The following ADAMTS17 variants were observed in gnomAD, a reference collection of about 807,000 sequenced individuals.
ADAMTS17 encodes A disintegrin and metalloproteinase with thrombospondin motifs 17.
A neutral mutation model predicts 141.5 loss-of-function variants in ADAMTS17; 113 were observed. The observed-to-expected ratio is 0.80, with a 90% CI of 0.69 to 0.93. The LOEUF is 0.93. ADAMTS17 is among the 40% of genes least tolerant of loss of function. The pLI, the probability that ADAMTS17 is intolerant of heterozygous loss-of-function variation, is 0.00. For synonymous variants in ADAMTS17, 768 were observed against 630.6 expected (o/e 1.22, Z -3.27); for missense variants, 1,659 against 1,517.9 (o/e 1.09, Z -1.54).
At chr15:100,059,118 G>C (rs534985363) in intron 15 of ADAMTS17, among the ~76,000 whole-genome samples, 4 of 152,212 alleles carry the variant, frequency 2.6e-5, no homozygotes, top group African/African-American at 9.6e-5. Context: ...GCACTCCAAC[G>C]AATTCTGAAG....
At chr15:100,265,359 C>T (rs528364046) in intron 4 of ADAMTS17, among the ~76,000 whole-genome samples, 19 of 152,276 alleles carry the variant, frequency 1.2e-4, no homozygotes, top group Admixed American at 2.0e-4. Context: ...TTGGAGGCAA[C>T]GGCTATATGT....
At chr15:100,001,825 C>CAAGGTGAATGCACTT in intron 18 of ADAMTS17, among the ~76,000 whole-genome samples, 1 of 149,754 alleles carries the variant, frequency 6.7e-6, no homozygotes, top group African/African-American at 2.5e-5. Flanking sequence ...CAAAAATAGC[C>CAAGGTGAATGCACTT]CCCCGTGGTG....
intron 1 of ADAMTS17, 87 bp from the exon 2 acceptor site, chr15:100,341,496 G>C: frequency 2.0e-6 from 2 of 997,692 alleles, no homozygotes; most frequent in Non-Finnish European, 2.4e-6. Context: ...CCAGCGCGGG[G>C]ACAGCGCGAC....
At chr15:100,183,477 G>C (rs1395646334) in intron 8 of ADAMTS17, among the ~76,000 whole-genome samples, 1 of 151,952 alleles carries the variant, frequency 6.6e-6, no homozygotes, top group East Asian at 1.9e-4. Context: ...TATTTTTTCA[G>C]TTCTATAATT....
rs754262260 is a variant in ADAMTS17, at chr15:99,976,560, C to T, written c.2950-338G>A. ...GATGTTATGGAATACATGTTTGTGT[C>T]TCTGCAAAATGCAGATGTTGGAGCC... On this transcript the variant is annotated intron_variant, in intron 20 of 21. Coordinates refer to ENST00000268070, the MANE Select transcript of ADAMTS17 (RefSeq NM_139057.4). 4.4e-4 allele frequency: 208 copies of T among 470,246 alleles called. 1 individual carries two copies. The Middle Eastern group carries it at 7.5e-3, about 17-fold the overall frequency. The allele number at this position is 470,246 out of a possible 1,614,324, so 29.1% of individuals were successfully genotyped here.
At chr15:100,056,902 G>C (rs781579046) in intron 15 of ADAMTS17, among the ~76,000 whole-genome samples, 1 of 152,062 alleles carries the variant, frequency 6.6e-6, no homozygotes, top group African/African-American at 2.4e-5. Flanking sequence ...AATTTCACAA[G>C]CTTTATGGTA....
chr15:100,288,101 G>A (rs2044506805), intron 3 of ADAMTS17, among the ~76,000 whole-genome samples: 1 of 152,216 alleles, frequency 6.6e-6, no homozygotes, highest in East Asian at 1.9e-4. Flanking sequence ...ACTGTATGCT[G>A]TCTTCAAGAG....
rs1462774884 is a variant in ADAMTS17, at chr15:99,997,419, C to T, written c.2762G>A (p.Cys921Tyr). The T allele has an allele frequency of 3.1e-6, 5 of 1,613,670 alleles. No individual in the cohort carries two copies. Among genetic ancestry groups the T allele is most frequent in the Admixed American group, 1.7e-5 (1 of 60,012 alleles). ...CTCAGACGCCTCCCAGATGGACAGG[C>T]AGTCCTGGCCTTCACAGCTCTGCAC... ...AAVQSCEGQDCLSIWEASEWS... is the reference protein window; with the variant it reads ...AAVQSCEGQDYLSIWEASEWS... Residue 921 changes from cysteine (C) to tyrosine (Y), a missense_variant, in exon 19 of 22, where the codon TGC becomes TAC. Physicochemically the swap from Cys to Tyr is radical, Grantham distance 194 (BLOSUM62 -2). Transcript: ENST00000268070. The surrounding 1 kb of genome is among the most constrained non-coding windows in gnomAD (Gnocchi z 4.7).
intron 13 of ADAMTS17, among the ~76,000 whole-genome samples, chr15:100,114,158 C>CTTT (rs10712411): frequency 1.4e-5 from 2 of 142,702 alleles, no homozygotes; most frequent in African/African-American, 5.2e-5. Flanking sequence ...ATTCTTTCTT[C>CTTT]TTTTTTTTTT....
At chr15:100,115,711 C>T (rs902602953) in intron 13 of ADAMTS17, among the ~76,000 whole-genome samples, 13 of 152,192 alleles carry the variant, frequency 8.5e-5, no homozygotes, top group African/African-American at 2.4e-4. Context: ...CTTCCCATCA[C>T]AGGGAAGAAA....
intron 7 of ADAMTS17, among the ~76,000 whole-genome samples, chr15:100,232,805 T>C (rs1310376084): frequency 1.3e-5 from 2 of 152,148 alleles, no homozygotes; most frequent in Admixed American, 6.5e-5. Flanking sequence ...ACTGACACCA[T>C]GGAATTTGCG....
intron 5 of ADAMTS17, 48 bp from the exon 6 acceptor site, chr15:100,261,684 A>C: frequency 6.3e-7 from 1 of 1,585,964 alleles, no homozygotes; most frequent in Non-Finnish European, 8.6e-7. Context: ...CTGGGAGGCC[A>C]GAGTTTATTT....
rs749116256 is a variant in ADAMTS17 at position 100,132,006 on chromosome 15, C to T, written c.1721+1G>A. The T allele has an allele frequency of 2.9e-5, 47 of 1,613,976 alleles. No individual in the cohort carries two copies. Among genetic ancestry groups the T allele is most frequent in the Non-Finnish European group, 3.6e-5 (42 of 1,180,032 alleles). ...GGGGTATGGCTGGTCAGGGGACTTA[C>T]GGGGGGTTGTCACATTTCCTCTGCC... On this transcript the variant is annotated splice_donor_variant, in intron 12 of 21. Transcript: ENST00000268070. LOFTEE classifies it high-confidence loss of function.
chr15:100,318,442 T>A (rs981400652), intron 3 of ADAMTS17, among the ~76,000 whole-genome samples: 1 of 151,990 alleles, frequency 6.6e-6, no homozygotes, highest in South Asian at 2.1e-4. Flanking sequence ...AGTGCCCTTA[T>A]AAGAGAGTCT....
At chr15:99,976,499 C>T in intron 20 of ADAMTS17, 1 of 584,872 alleles carries the variant, frequency 1.7e-6, no homozygotes, top group Non-Finnish European at 3.1e-6. Context: ...TCATTCAGGG[C>T]AAAAACAGCA....
At chr15:100,213,551 G>A (rs1421753539) in intron 7 of ADAMTS17, among the ~76,000 whole-genome samples, 6 of 152,192 alleles carry the variant, frequency 3.9e-5, no homozygotes, top group Non-Finnish European at 8.8e-5. Context: ...AAAGAGCTGT[G>A]TTATTTTCCT....
chr15:100,102,146 T>C (rs2141051423), intron 14 of ADAMTS17, among the ~76,000 whole-genome samples: 1 of 152,352 alleles, frequency 6.6e-6, no homozygotes, highest in Non-Finnish European at 1.5e-5. Flanking sequence ...CATAATTATC[T>C]CAATTTTCTG....
In ADAMTS17 at chr15:99,973,069, C is replaced by A. The variant is rs181319875; in HGVS notation, c.*1333G>T. On this transcript the variant is annotated 3_prime_UTR_variant, in exon 22 of 22. Coordinates refer to ENST00000268070, the MANE Select transcript of ADAMTS17 (RefSeq NM_139057.4). ...CCTCCTGGCATCTAGGGTCCCTGCC[C>A]GGCCTCCTTGCAGGTAGGGTGCTAC... The A allele has an allele frequency of 6.6e-6, 1 of 152,222 alleles. No individual in the cohort carries two copies. The highest frequency in any genetic ancestry group is 6.5e-5 in the Admixed American group (1 of 15,286). 9.4% of individuals were successfully genotyped at this position (152,222 alleles called of 1,614,324 possible).
intron 8 of ADAMTS17, among the ~76,000 whole-genome samples, chr15:100,189,318 G>T (rs1216761754): frequency 6.6e-6 from 1 of 152,206 alleles, no homozygotes; most frequent in African/African-American, 2.4e-5. Flanking sequence ...ATATGGAGCG[G>T]GGCTTTGCGA....
Sources: allele counts gnomAD v4.1 joint callset (sites outside exome capture counted in the v4.1 genomes callset), GRCh38; gene constraint gnomAD v4.1.1; non-coding constraint Gnocchi (gnomAD v3.1); transcripts MANE v1.5; gene names NCBI Gene and HGNC (gene_info 2026-07-23, HGNC 2026-07-21).